CNGB1: variants seen among roughly 807,000 people sequenced by gnomAD.
CNGB1 encodes cyclic nucleotide gated channel subunit beta 1, also known as cyclic nucleotide-gated channel beta-1.
In CNGB1, 126 loss-of-function variants were observed where a neutral mutation model predicts 151.7. That is an observed-to-expected ratio of 0.83 (90% confidence interval 0.72 to 0.96). The LOEUF (loss-of-function observed/expected upper bound fraction) is 0.96, where lower values mean the gene tolerates loss of function less well. CNGB1 is among the 40% of genes least tolerant of loss of function. CNGB1 has a pLI of 0.00. For missense variants in CNGB1, 1,698 were observed against 1,627.0 expected (o/e 1.04, Z -0.75); for synonymous variants, 623 against 635.1 (o/e 0.98, Z 0.29).
chr16:57,953,554 G>T (rs908569786), intron 12 of CNGB1, among the ~76,000 whole-genome samples: 1 of 151,124 alleles, frequency 6.6e-6, no homozygotes, highest in South Asian at 2.1e-4. Flanking sequence ...CCTGCTTCCA[G>T]GATCAGCAGG....
chr16:57,953,891 A>G (rs1567394029), intron 12 of CNGB1, among the ~76,000 whole-genome samples: 2 of 152,058 alleles, frequency 1.3e-5, no homozygotes, highest in Non-Finnish European at 2.9e-5. Context: ...AAAGAAAGAA[A>G]AAAAAAACAA....
chr16:57,938,921 G>GA (rs1336240993), intron 16 of CNGB1, among the ~76,000 whole-genome samples: 2 of 152,208 alleles, frequency 1.3e-5, no homozygotes, highest in Non-Finnish European at 2.9e-5. Flanking sequence ...TACAGCTGGA[G>GA]ATCAGGAAAA....
At chr16:57,937,825 G>C (rs926805981) in intron 16 of CNGB1, among the ~76,000 whole-genome samples, 1 of 152,196 alleles carries the variant, frequency 6.6e-6, no homozygotes, top group Non-Finnish European at 1.5e-5. Context: ...ACCTGGGAAG[G>C]TTTGACAATT....
At chr16:57,926,698 C>T (rs972359522) in intron 17 of CNGB1, among the ~76,000 whole-genome samples, 5 of 152,096 alleles carry the variant, frequency 3.3e-5, no homozygotes, top group South Asian at 2.1e-4. Context: ...TGCACACTGC[C>T]GCTGGATGCT....
At position 57,897,781 on chromosome 16, in the gene CNGB1, C is replaced by A; in HGVS notation, c.3095+15G>T. ...CTTGCCCCAGGCCCCTCACTTTACC[C>A]CAGCTGCGTCTGACCTTATTTCTCC... On this transcript the variant is annotated intron_variant, in intron 30 of 32. Coordinates refer to ENST00000251102, the MANE Select transcript of CNGB1 (RefSeq NM_001297.5). The A allele has an allele frequency of 1.9e-6, 3 of 1,613,158 alleles. No homozygotes were observed. The highest frequency in any genetic ancestry group is 1.7e-4 in the Middle Eastern group (1 of 6,060).
intron 27 of CNGB1, among the ~76,000 whole-genome samples, chr16:57,902,400 A>G (rs1960415944): frequency 6.6e-6 from 1 of 151,530 alleles, no homozygotes; most frequent in Non-Finnish European, 1.5e-5. Flanking sequence ...AGAATGTTTT[A>G]TAAAGATTAT....
At position 57,950,482 on chromosome 16, in the gene CNGB1, C is replaced by G. The variant is rs557276296; in HGVS notation, c.933G>C (p.Pro311=). ...EPDLVLEEVE[P]PWEDAHQDVS... ...CATCCTGGTGGGCATCCTCCCAGGG[C>G]GGTTCAACCTCCTCTAGGACAAGGT... Residue 311 remains proline (P), a synonymous_variant, in exon 13 of 33, where the codon CCG becomes CCC. Coordinates refer to ENST00000251102, the MANE Select transcript of CNGB1 (RefSeq NM_001297.5). 1 of 1,614,106 alleles carries G rather than the reference C, an allele frequency of 6.2e-7. No individual in the cohort carries two copies. Among genetic ancestry groups the G allele is most frequent in the Non-Finnish European group, 8.5e-7 (1 of 1,180,028 alleles).
chr16:57,970,921 A>T (rs1281089735), intron 1 of CNGB1, 139 bp downstream of exon 1: 1 of 152,098 alleles, frequency 6.6e-6, no homozygotes, highest in African/African-American at 2.4e-5. Context: ...GATGCCCGCT[A>T]AAGTCCAAGC....
At chr16:57,919,403 C>T (rs1262956373) in intron 19 of CNGB1, 149 bp from the exon 20 acceptor site, 5 of 1,464,044 alleles carry the variant, frequency 3.4e-6, no homozygotes, top group African/African-American at 2.8e-5. Flanking sequence ...GTGTGCAGAA[C>T]CCAAGGTGCT....
At chr16:57,958,135 A>G (rs1361101928) in intron 11 of CNGB1, among the ~76,000 whole-genome samples, 1 of 152,140 alleles carries the variant, frequency 6.6e-6, no homozygotes, top group African/African-American at 2.4e-5. Flanking sequence ...TCCACTGGGA[A>G]GCCCTTCTTG....
chr16:57,892,171 C>T (rs1246625851), intron 31 of CNGB1, among the ~76,000 whole-genome samples: 6 of 151,810 alleles, frequency 4.0e-5, no homozygotes, highest in African/African-American at 7.3e-5. Flanking sequence ...GGGACTTCAG[C>T]GGGGAGCGTG....
intron 10 of CNGB1, 59 bp downstream of exon 10, chr16:57,959,829 C>A (rs980493870): frequency 3.5e-6 from 5 of 1,428,508 alleles, no homozygotes; most frequent in Non-Finnish European, 4.6e-6. Flanking sequence ...GGGTGTTAGG[C>A]GGGGACAAGG....
Position 57,960,893 on chromosome 16 carries a change from A to C in CNGB1, c.481T>G (p.Trp161Gly). The C allele has an allele frequency of 6.2e-7, 1 of 1,614,124 alleles. No individual in the cohort carries two copies. The highest frequency in any genetic ancestry group is 8.5e-7 in the Non-Finnish European group (1 of 1,180,010). ...ACTCTTTCCAGATTCTGCTCCAGCC[A>C]CAGAAGCAGCCGCAGCCCAGGCCTG... is the stretch of plus-strand genomic sequence containing the variant. ...DTRPGLRLLL[W>G]LEQNLERVLP... The change falls in exon 8 of 33, where the codon TGG becomes GGG. Residue 161 changes from tryptophan to glycine, a missense_variant. By Grantham distance (184) the Trp-to-Gly change is radical. Transcript: ENST00000251102.
In CNGB1 at chr16:57,884,242, G is replaced by T. The variant is rs1959840402; in HGVS notation, c.3678C>A (p.Cys1226Ter). 8 of 1,613,780 alleles carry T rather than the reference G, an allele frequency of 5.0e-6. No homozygotes were observed. The East Asian group carries it at 1.8e-4, about 36-fold the overall frequency. The change falls in exon 33 of 33, where the codon TGC becomes TGA. Residue 1226 changes from cysteine (C) to a stop codon, truncating the protein, a stop_gained. Transcript: ENST00000251102. LOFTEE classifies it low-confidence loss of function (END_TRUNC). ...CTCCCGGCTCCGGGCCCGGGCTCAT[G>T]CAGATCCTCACCGAGTGCTCTTCGG... ...AEPEEHSVRI[C>*]MSPGPEPGEQ...
rs546106983 is a variant in CNGB1, at chr16:57,912,175, G to A, written c.2370-300C>T. 3.9e-5 allele frequency among the ~76,000 whole-genome samples: 6 copies of A among 152,118 alleles called. 1 individual carries two copies. The highest frequency in any genetic ancestry group is 1.4e-4 in the African/African-American group (6 of 41,500). ...GTGCAGAGGAGTTGAGTTGAAGATGGGGCCATGTCGCCCCAGGAGAGATGT... is the reference window on the plus strand; with the variant it reads ...GTGCAGAGGAGTTGAGTTGAAGATGAGGCCATGTCGCCCCAGGAGAGATGT... On this transcript the variant is annotated intron_variant, in intron 24 of 32. Coordinates refer to ENST00000251102, the MANE Select transcript of CNGB1 (RefSeq NM_001297.5).
intron 25 of CNGB1, among the ~76,000 whole-genome samples, chr16:57,905,771 C>A (rs1313724614): frequency 6.6e-6 from 1 of 152,268 alleles, no homozygotes. Flanking sequence ...CAGCATTCCT[C>A]TCCTCTAGTG....
At chr16:57,933,884 G>C (rs2149373278) in intron 16 of CNGB1, among the ~76,000 whole-genome samples, 1 of 151,914 alleles carries the variant, frequency 6.6e-6, no homozygotes, top group Non-Finnish European at 1.5e-5. Flanking sequence ...CACCACGCCT[G>C]GCTAATTTTT....
rs532187086 is a variant in CNGB1 at position 57,901,393 on chromosome 16, G to A, written c.2935C>T (p.Arg979Cys). The change falls in exon 29 of 33, where the codon CGC becomes TGC. Residue 979 changes from arginine to cysteine, a missense_variant. By Grantham distance (180) the Arg-to-Cys change is radical. Transcript: ENST00000251102. ...TCGTTGGGCAGGTAGACAACAGAGC[G>A]AAGCCTCTTCAGCATGTCAAAGATC... The part of the protein sequence containing the change: ...QMIFDMLKRL[R>C]SVVYLPNDYV... 112 of 1,614,170 alleles carry A rather than the reference G, an allele frequency of 6.9e-5. 3 individuals are homozygous for A. The South Asian group carries it at 1.2e-3, about 17-fold the overall frequency.
chr16:57,930,412 T>C (rs1217213008), intron 17 of CNGB1, among the ~76,000 whole-genome samples: 2 of 151,640 alleles, frequency 1.3e-5, no homozygotes, highest in African/African-American at 4.9e-5. Context: ...GGGAAATGCT[T>C]GAGCCTAGGA....
Sources: allele counts gnomAD v4.1 joint callset (sites outside exome capture counted in the v4.1 genomes callset), GRCh38; gene constraint gnomAD v4.1.1; transcripts MANE v1.5; gene names NCBI Gene and HGNC (gene_info 2026-07-23, HGNC 2026-07-21).